NRG4: variants seen among roughly 807,000 people sequenced by gnomAD.
NRG4 encodes neuregulin 4, also known as pro-neuregulin-4, membrane-bound isoform.
A neutral mutation model predicts 15.0 loss-of-function variants in NRG4; 10 were observed. That is an observed-to-expected ratio of 0.67 (90% CI 0.41 to 1.13). The LOEUF (loss-of-function observed/expected upper bound fraction) is 1.13, where lower values mean the gene tolerates loss of function less well. NRG4 is among the 50% of genes most tolerant of loss of function. The probability of loss-of-function intolerance (pLI) is 0.00; values close to 1 mark genes in which losing one functional copy is unlikely to be tolerated. For synonymous variants in NRG4, 41 were observed against 50.1 expected (o/e 0.82, Z 0.77); for missense variants, 139 against 140.2 (o/e 0.99, Z 0.04).
intron 5 of NRG4, among the ~76,000 whole-genome samples, chr15:76,019,735 C>T (rs1290177472): frequency 3.9e-5 from 6 of 152,130 alleles, no homozygotes; most frequent in Non-Finnish European, 5.9e-5. Context: ...GCAGAAATCA[C>T]CCGCCTTCTG....
chr15:75,943,891 C>T (rs2031258941), intron 5 of NRG4, among the ~76,000 whole-genome samples: 1 of 152,118 alleles, frequency 6.6e-6, no homozygotes, highest in African/African-American at 2.4e-5. Flanking sequence ...ATAAAGTTCC[C>T]TGCATGCCTG....
At chr15:75,956,067 C>T in intron 4 of NRG4, 56 bp from the exon 5 acceptor site, 1 of 989,086 alleles carries the variant, frequency 1.0e-6, no homozygotes, top group Non-Finnish European at 1.6e-6. Flanking sequence ...AAAAGCATGT[C>T]AGAAGACCTA....
chr15:75,970,096 C>T (rs1005253871), intron 3 of NRG4, among the ~76,000 whole-genome samples: 6 of 152,090 alleles, frequency 3.9e-5, no homozygotes, highest in South Asian at 2.1e-4. Flanking sequence ...AAGAGTGCCA[C>T]GAGCCAGTCT....
intron 3 of NRG4, among the ~76,000 whole-genome samples, chr15:75,976,271 G>A (rs2033362793): frequency 6.6e-6 from 1 of 152,034 alleles, no homozygotes; most frequent in Non-Finnish European, 1.5e-5. Flanking sequence ...TCCTTGTATT[G>A]GGTTAGAACA....
At chr15:76,010,328 G>T (rs1470752557) in intron 2 of NRG4, among the ~76,000 whole-genome samples, 1 of 151,946 alleles carries the variant, frequency 6.6e-6, no homozygotes, top group African/African-American at 2.4e-5. Flanking sequence ...ATCAGAATAA[G>T]AAAATGGCAT....
At chr15:76,031,278 G>C (rs2035465402) in intron 5 of NRG4, among the ~76,000 whole-genome samples, 1 of 152,174 alleles carries the variant, frequency 6.6e-6, no homozygotes, top group Non-Finnish European at 1.5e-5. Flanking sequence ...TTGAAATATT[G>C]AAAGCCTTTC....
At chr15:75,950,153 T>C (rs143646396) in intron 5 of NRG4, among the ~76,000 whole-genome samples, 94 of 152,312 alleles carry the variant, frequency 6.2e-4, no homozygotes, top group Middle Eastern at 6.8e-3. Context: ...CAGCAATTTT[T>C]TTTTTAGTTT....
rs770431895 is a variant in NRG4, at chr15:76,047,132, G to A, written c.-105+4935C>T. 2.0e-5 allele frequency among the ~76,000 whole-genome samples: 3 copies of A among 150,694 alleles called. No homozygotes were observed. The East Asian group carries it at 5.8e-4, about 29-fold the overall frequency. On this transcript the variant is annotated intron_variant, in intron 4 of 8. Transcript: ENST00000563910. ...GAAATATCATCAATAAAAGATACTG[G>A]TGGGGATGTAGAGAAGGGAAAGCCC...
intron 5 of NRG4, among the ~76,000 whole-genome samples, chr15:75,951,651 T>C (rs920297774): frequency 1.1e-4 from 17 of 152,190 alleles, no homozygotes; most frequent in African/African-American, 3.9e-4. Flanking sequence ...TTTTGACTTA[T>C]TACAGTTTCC....
chr15:75,941,336 A>T lies in NRG4; in HGVS notation c.*2302T>A, dbSNP rs934913002. On this transcript the variant is annotated 3_prime_UTR_variant, in exon 6 of 6. Coordinates refer to ENST00000394907, the MANE Select transcript of NRG4 (RefSeq NM_138573.4). The stretch of plus-strand genomic sequence containing the variant: ...GAACTCTTATTACTGATGGAAATAT[A>T]GTGGTATGCAGCTGCTGTAGAAAAC... 9 of 152,202 alleles carry T rather than the reference A, an allele frequency of 5.9e-5. No individual in the cohort carries two copies. The highest frequency in any genetic ancestry group is 2.2e-4 in the African/African-American group (9 of 41,464). 9.4% of individuals were successfully genotyped at this position (152,202 alleles called of 1,614,324 possible). A position where few individuals can be genotyped will look rare whatever the true frequency, so the allele number is the denominator to read the frequency against.
At chr15:75,948,589 GCGC>G (rs78298805) in intron 5 of NRG4, among the ~76,000 whole-genome samples, 142,445 of 151,878 alleles carry the variant, frequency 0.94, 67,118 homozygotes, top group East Asian at 1. Flanking sequence ...ATGAGTCACT[GCGC>G]CGCCCGGCCC....
At chr15:75,974,168 G>A (rs1403985676) in intron 3 of NRG4, among the ~76,000 whole-genome samples, 1 of 152,158 alleles carries the variant, frequency 6.6e-6, no homozygotes, top group Admixed American at 6.5e-5. Context: ...GGTGTTTATA[G>A]TATTCTCTGA....
rs758471120 is a variant in NRG4, at chr15:75,961,980, G to C, written c.105-6C>G. ...CTGTATAGTTTTCAACGCACCTACA[G>C]AATAAAATTTTAGATAAAGAATTGC... On this transcript the variant is annotated splice_region_variant and splice_polypyrimidine_tract_variant and intron_variant, in intron 3 of 5. Coordinates refer to ENST00000394907, the MANE Select transcript of NRG4 (RefSeq NM_138573.4). 1.3e-5 allele frequency: 20 copies of C among 1,592,094 alleles called. No individual in the cohort carries two copies. In the Admixed American group the frequency reaches 1.6e-4, roughly 13 times the overall value.
intron 3 of NRG4, among the ~76,000 whole-genome samples, chr15:76,000,251 G>A (rs2034363540): frequency 6.6e-6 from 1 of 152,046 alleles, no homozygotes; most frequent in African/African-American, 2.4e-5. Flanking sequence ...AGATTTGACT[G>A]CAGTAAAACC....
chr15:75,959,109 G>T, intron 4 of NRG4: 1 of 399,168 alleles, frequency 2.5e-6, no homozygotes, highest in Non-Finnish European at 5.0e-6. Flanking sequence ...AGCCTCCCAA[G>T]CAGCTAGGAC....
intron 3 of NRG4, among the ~76,000 whole-genome samples, chr15:75,986,054 A>T (rs2033790353): frequency 6.6e-6 from 1 of 152,196 alleles, no homozygotes; most frequent in Non-Finnish European, 1.5e-5. Flanking sequence ...CAAAAGATTG[A>T]ATTAAAAGTA....
chr15:76,012,968 C>T (rs2034862341), upstream of NRG4, among the ~76,000 whole-genome samples: 1 of 152,060 alleles, frequency 6.6e-6, no homozygotes, highest in African/African-American at 2.4e-5. Context: ...GTTAAATATA[C>T]AGTGAGGAAA....
In NRG4 at chr15:75,982,939, A is replaced by C. The variant is rs150783521; in HGVS notation, c.105-20965T>G. ...AACATCTGAACAGACTGGACCTTCT[A>C]CATAAGAAAACATGTTTGCAGTAGA... On this transcript the variant is annotated intron_variant, in intron 3 of 5. Transcript: ENST00000394907. Among the ~76,000 whole-genome samples, 535 of 152,304 alleles carry C rather than the reference A, an allele frequency of 3.5e-3. 2 individuals are homozygous for C. Among genetic ancestry groups the C allele is most frequent in the African/African-American group, 0.012 (488 of 41,556 alleles).
At chr15:76,009,373 TA>T in intron 2 of NRG4, 80 bp from the exon 3 acceptor site, 2 of 601,494 alleles carry the variant, frequency 3.3e-6, no homozygotes, top group Non-Finnish European at 5.7e-6. Context: ...ATAACTATCT[TA>T]AACTGAAGTA....
Sources: gnomAD v4.1 joint callset for allele counts (sites outside exome capture counted in the v4.1 genomes callset) on GRCh38, gnomAD v4.1.1 for gene constraint, MANE v1.5 for transcripts, NCBI Gene and HGNC (gene_info 2026-07-23, HGNC 2026-07-21) for gene names.